GMNC: variants seen among roughly 807,000 people sequenced by gnomAD.
GMNC encodes the protein geminin coiled-coil domain containing, also known as geminin coiled-coil domain-containing protein 1.
GMNC carries 16 observed loss-of-function variants against 33.6 expected under a neutral mutation model. That is an observed-to-expected ratio of 0.48 (90% CI 0.32 to 0.72). The LOEUF (loss-of-function observed/expected upper bound fraction) is 0.72. Among genes scored for constraint, GMNC ranks in the 30% least tolerant of loss-of-function variants. The probability of loss-of-function intolerance (pLI) is 0.03; values close to 1 mark genes in which losing one functional copy is unlikely to be tolerated. For synonymous variants in GMNC, 156 were observed against 147.3 expected (o/e 1.06, Z -0.43); for missense variants, 393 against 388.9 (o/e 1.01, Z -0.09).
chr3:190,851,486 T>C (rs1236986046), downstream of GMNC, among the ~76,000 whole-genome samples: 1 of 152,250 alleles, frequency 6.6e-6, no homozygotes, highest in East Asian at 1.9e-4. Flanking sequence ...ACATCAATGA[T>C]GAGAGCCAAT....
intron 3 of GMNC, 39 bp downstream of exon 3, chr3:190,858,889 T>C (rs1394273858): frequency 1.2e-5 from 15 of 1,204,750 alleles, no homozygotes; most frequent in South Asian, 4.0e-5. Context: ...ATGGACCACA[T>C]AGAACATGAC....
In GMNC at chr3:190,855,458, T is replaced by C; in HGVS notation, c.842A>G (p.Tyr281Cys). ...GTTGGGTGACACATGAGCAGTATAG[T>C]AAGGAAGAGTTTTCAGCCCCACTGG... The part of the protein sequence containing the change: ...NPPVGLKTLP[Y>C]YTAHVSPNKT... The change falls in exon 5 of 5, where the codon TAC (tyrosine) becomes TGC (cysteine). Residue 281 changes from tyrosine (Y) to cysteine (C), a missense_variant. Coordinates refer to ENST00000442080, the MANE Select transcript of GMNC (RefSeq NM_001146686.3). 6.4e-7 allele frequency: 1 copy of C among 1,551,948 alleles called. No individual in the cohort carries two copies. Among genetic ancestry groups the C allele is most frequent in the African/African-American group, 1.4e-5 (1 of 73,106 alleles).
At position 190,862,590 on chromosome 3, in the gene GMNC, G is replaced by C; in HGVS notation, c.3+23C>G. 6.5e-7 allele frequency: 1 copy of C among 1,543,684 alleles called. No individual in the cohort carries two copies. Among genetic ancestry groups the C allele is most frequent in the Non-Finnish European group, 8.8e-7 (1 of 1,139,210 alleles). On this transcript the variant is annotated intron_variant, in intron 1 of 4. Transcript: ENST00000442080. This position sits in a 1 kb window ranked among gnomAD's most constrained non-coding sequence, Gnocchi z 4.5. Reference sequence around the variant, plus strand: ...GAGACCCAAGTTTGCCAGCGGACTAGCTAACGCCAGTTCCTCACTTACCAT... The same window carrying C: ...GAGACCCAAGTTTGCCAGCGGACTACCTAACGCCAGTTCCTCACTTACCAT...
At chr3:190,844,124 C>T in the GMNC span, among the ~76,000 whole-genome samples, 1 of 151,924 alleles carries the variant, frequency 6.6e-6, no homozygotes, top group African/African-American at 2.4e-5. Flanking sequence ...TTTCTCTTTC[C>T]ACTGCACGTA....
At chr3:190,843,728 G>C in the GMNC span, among the ~76,000 whole-genome samples, 1 of 152,092 alleles carries the variant, frequency 6.6e-6, no homozygotes, top group South Asian at 2.1e-4. Context: ...GTGTATTATA[G>C]ACACTGACTG....
Position 190,861,454 on chromosome 3 carries a change from TCATC to T in GMNC, c.4-600_4-597del, listed in dbSNP as rs1293951831. On this transcript the variant is annotated intron_variant, in intron 1 of 4. Coordinates refer to ENST00000442080, the MANE Select transcript of GMNC (RefSeq NM_001146686.3). This position sits in a 1 kb window ranked among gnomAD's most constrained non-coding sequence, Gnocchi z 5.1. ...ATCTGTCTGTCTGTCTGTCTGCCTATCATCTATCTATCTATCTATCTATCTATCT... is the reference window on the plus strand; with the variant it reads ...ATCTGTCTGTCTGTCTGTCTGCCTATTATCTATCTATCTATCTATCTATCT... Among the ~76,000 whole-genome samples, 4 of 137,942 alleles carry T rather than the reference TCATC, an allele frequency of 2.9e-5. No homozygotes were observed. The highest frequency in any genetic ancestry group is 1.1e-4 in the African/African-American group (4 of 37,222). The allele number at this position is 137,942 out of a possible 152,430, so 90.5% of individuals were successfully genotyped here.
At chr3:190,857,718 TA>T (rs1737777689) in intron 4 of GMNC, 64 bp downstream of exon 4, 2 of 831,360 alleles carry the variant, frequency 2.4e-6, no homozygotes, top group East Asian at 5.3e-5. Context: ...GAGTTTTACA[TA>T]AATCATTTCC....
downstream of GMNC, among the ~76,000 whole-genome samples, chr3:190,848,127 G>T (rs934066951): frequency 2.0e-5 from 3 of 152,182 alleles, no homozygotes; most frequent in African/African-American, 7.2e-5. Flanking sequence ...CATGAAAAGT[G>T]ATGCTTTGAG....
At chr3:190,851,200 T>G (rs1737628273), downstream of GMNC, among the ~76,000 whole-genome samples, 1 of 152,234 alleles carries the variant, frequency 6.6e-6, no homozygotes, top group African/African-American at 2.4e-5. Flanking sequence ...TTTTCATAAT[T>G]CCTCATGGTA....
At chr3:190,847,979 T>A (rs1194452436), downstream of GMNC, among the ~76,000 whole-genome samples, 1 of 152,226 alleles carries the variant, frequency 6.6e-6, no homozygotes, top group African/African-American at 2.4e-5. Flanking sequence ...CTGGTAATTT[T>A]CACTACGTAC....
At chr3:190,849,745 C>G (rs1229445165), downstream of GMNC, among the ~76,000 whole-genome samples, 1 of 152,164 alleles carries the variant, frequency 6.6e-6, no homozygotes, top group Non-Finnish European at 1.5e-5. Flanking sequence ...TATCAATTAA[C>G]CACTGATTTC....
the GMNC span, among the ~76,000 whole-genome samples, chr3:190,843,714 C>A: frequency 6.6e-6 from 1 of 152,120 alleles, no homozygotes. Context: ...GGTATTCAAC[C>A]ATTGTGTATT....
chr3:190,860,757 C>T lies in GMNC; in HGVS notation c.105G>A (p.Thr35=), dbSNP rs560192430. The change falls in exon 2 of 5, where the codon ACG becomes ACA. Residue 35 remains threonine, a synonymous_variant. Transcript: ENST00000442080. ...TTSESSVDVS[T]ETWVSFWAAG... ...CAGCCCAGAAAGAGACCCAAGTCTC[C>T]GTGGAAACGTCAACACTAGATTCTG... 2.3e-5 allele frequency: 36 copies of T among 1,551,470 alleles called. No homozygotes were observed. The Admixed American group carries it at 2.5e-4, about 11-fold the overall frequency.
rs1379627958 is a variant in GMNC at position 190,854,926 on chromosome 3, A to C, written c.*369T>G. Reference sequence around the variant, plus strand: ...AAGGGAGAAAAGTAAAAGGGCTGTGAATATTTCAACTACTTAAAAGAGGAA... The same window carrying C: ...AAGGGAGAAAAGTAAAAGGGCTGTGCATATTTCAACTACTTAAAAGAGGAA... On this transcript the variant is annotated 3_prime_UTR_variant, in exon 5 of 5. Transcript: ENST00000442080. 5.2e-6 allele frequency: 1 copy of C among 193,654 alleles called. No individual in the cohort carries two copies. The highest frequency in any genetic ancestry group is 1.1e-5 in the Non-Finnish European group (1 of 91,786). 12.0% of individuals were successfully genotyped at this position (193,654 alleles called of 1,614,324 possible).
At position 190,852,914 on chromosome 3, in the gene GMNC, C is replaced by T. The variant is rs1325791755; in HGVS notation, c.*2381G>A. 6.6e-6 allele frequency: 1 copy of T among 151,944 alleles called. No homozygotes were observed. The highest frequency in any genetic ancestry group is 6.6e-5 in the Admixed American group (1 of 15,246). The allele number at this position is 151,944 out of a possible 1,614,324, so 9.4% of individuals were successfully genotyped here. ...AAATGTTTAATTTCTAAAACATGAA[C>T]AAAATAATTTTCTATACATAATTTA... is the stretch of plus-strand genomic sequence containing the variant. On this transcript the variant is annotated 3_prime_UTR_variant, in exon 5 of 5. Coordinates refer to ENST00000442080, the MANE Select transcript of GMNC (RefSeq NM_001146686.3).
the GMNC span, among the ~76,000 whole-genome samples, chr3:190,847,274 C>T: frequency 5.9e-5 from 9 of 152,252 alleles, 1 homozygote; most frequent in South Asian, 6.2e-4. Context: ...ACTCCAGAAA[C>T]GTCATAGTTT....
chr3:190,851,832 T>C (rs1415803240), downstream of GMNC, among the ~76,000 whole-genome samples: 2 of 152,026 alleles, frequency 1.3e-5, no homozygotes, highest in Non-Finnish European at 2.9e-5. Flanking sequence ...TTATTAGCTA[T>C]AAATTCATTA....
downstream of GMNC, among the ~76,000 whole-genome samples, chr3:190,849,723 TTCCTGAAAAGGTA>T (rs1737604947): frequency 6.6e-6 from 1 of 152,232 alleles, no homozygotes; most frequent in South Asian, 2.1e-4. Flanking sequence ...AGCAGTCATG[TTCCTGAAAAGGTA>T]TCAATTAACC....
chr3:190,858,059 A>G lies in GMNC; in HGVS notation c.268-160T>C, dbSNP rs201915885. 1.4e-4 allele frequency: 83 copies of G among 604,258 alleles called. No individual in the cohort carries two copies. In the East Asian group the frequency reaches 2.3e-3, roughly 16 times the overall value. 37.4% of individuals were successfully genotyped at this position (604,258 alleles called of 1,614,324 possible). A position where few individuals can be genotyped will look rare whatever the true frequency, so the allele number is the denominator to read the frequency against. ...CCTGAGAGGCCTAAATTAAATCTAC[A>G]TCCCCCTAATGCCTAGTTGTTCAGC... On this transcript the variant is annotated intron_variant, in intron 3 of 4. Transcript: ENST00000442080.
Sources: allele counts gnomAD v4.1 joint callset (sites outside exome capture counted in the v4.1 genomes callset), GRCh38; gene constraint gnomAD v4.1.1; non-coding constraint Gnocchi (gnomAD v3.1); transcripts MANE v1.5; gene names NCBI Gene and HGNC (gene_info 2026-07-23, HGNC 2026-07-21).